ROR1: variants seen among roughly 807,000 people sequenced by gnomAD.
The protein encoded by ROR1 is inactive tyrosine-protein kinase transmembrane receptor ROR1.
Under a neutral mutation model 78.8 loss-of-function variants are expected in ROR1, and 19 were observed. The observed-to-expected ratio is 0.24, with a 90% CI of 0.17 to 0.35. The LOEUF (loss-of-function observed/expected upper bound fraction) is 0.35. Among genes scored for constraint, ROR1 ranks in the 10% least tolerant of loss-of-function variants. ROR1 has a pLI of 1.00. For missense variants in ROR1, 917 were observed against 1,177.8 expected (o/e 0.78, Z 3.24); for synonymous variants, 386 against 433.6 (o/e 0.89, Z 1.36).
chr1:63,846,190 T>A, intron 1 of ROR1, among the ~76,000 whole-genome samples: 1 of 151,302 alleles, frequency 6.6e-6, no homozygotes. Flanking sequence ...TCAGCAGCTG[T>A]GGTTCTTGCT....
Position 64,137,420 on chromosome 1 carries a change from T to G in ROR1, c.534T>G (p.Cys178Trp). The change falls in exon 5 of 9, where the codon TGT becomes TGG. Residue 178 changes from cysteine to tryptophan, a missense_variant. By Grantham distance (215) the Cys-to-Trp change is radical (BLOSUM62 -2). Transcript: ENST00000371079. ...GTCAGCCATACAGAGGGATTGCATGTGCAAGATTTATTGGCAACCGCACCG... is the reference window on the plus strand; with the variant it reads ...GTCAGCCATACAGAGGGATTGCATGGGCAAGATTTATTGGCAACCGCACCG... ...GFCQPYRGIA[C>W]ARFIGNRTVY... is the part of the protein sequence containing the mutation. 1 of 1,614,054 alleles carries G rather than the reference T, an allele frequency of 6.2e-7. No individual in the cohort carries two copies. The highest frequency in any genetic ancestry group is 8.5e-7 in the Non-Finnish European group (1 of 1,179,902).
intron 7 of ROR1, chr1:64,143,451 T>G (rs1649388062): frequency 1.0e-6 from 1 of 965,848 alleles, no homozygotes. Flanking sequence ...CTAGTTCTCA[T>G]AGATATCATA....
intron 2 of ROR1, among the ~76,000 whole-genome samples, chr1:64,027,180 T>C (rs1455938181): frequency 6.6e-6 from 1 of 152,172 alleles, no homozygotes; most frequent in Non-Finnish European, 1.5e-5. Flanking sequence ...AGAGCTCTGA[T>C]AGTGCATTTT....
At chr1:63,829,698 G>A (rs1644974683) in intron 1 of ROR1, among the ~76,000 whole-genome samples, 2 of 152,178 alleles carry the variant, frequency 1.3e-5, no homozygotes, top group Admixed American at 1.3e-4. Context: ...ATAGGGATGT[G>A]GCTCGTGATA....
At chr1:63,799,458 C>T (rs1644782201) in intron 1 of ROR1, among the ~76,000 whole-genome samples, 1 of 152,200 alleles carries the variant, frequency 6.6e-6, no homozygotes, top group Admixed American at 6.5e-5. Flanking sequence ...CACTTGAGTG[C>T]CTAGGAGCAT....
intron 4 of ROR1, among the ~76,000 whole-genome samples, chr1:64,069,516 A>ATTGTG (rs1646984885): frequency 1.3e-5 from 2 of 150,316 alleles, no homozygotes; most frequent in African/African-American, 4.9e-5. Context: ...CTTGGGTTAA[A>ATTGTG]TGTGTGTGTG....
chr1:63,876,984 A>G (rs1427126644), intron 1 of ROR1, among the ~76,000 whole-genome samples: 1 of 152,156 alleles, frequency 6.6e-6, no homozygotes, highest in African/African-American at 2.4e-5. Context: ...TCTACCTGGT[A>G]TGCCATGTGC....
At chr1:64,017,869 A>T (rs1444096993) in intron 2 of ROR1, among the ~76,000 whole-genome samples, 1 of 152,144 alleles carries the variant, frequency 6.6e-6, no homozygotes, top group East Asian at 1.9e-4. Flanking sequence ...TATCTACCTT[A>T]TATCTTGAGT....
At chr1:64,021,518 A>G (rs993048551) in intron 2 of ROR1, among the ~76,000 whole-genome samples, 1 of 152,226 alleles carries the variant, frequency 6.6e-6, no homozygotes, top group Non-Finnish European at 1.5e-5. Context: ...TTAATGTGCC[A>G]TAAAAACTCT....
intron 4 of ROR1, among the ~76,000 whole-genome samples, chr1:64,122,795 A>G (rs1345732142): frequency 6.6e-6 from 1 of 152,084 alleles, no homozygotes; most frequent in Non-Finnish European, 1.5e-5. Context: ...TCCTCTTGCG[A>G]CATCATTTTA....
At chr1:63,952,699 A>G (rs1645950488) in intron 1 of ROR1, among the ~76,000 whole-genome samples, 1 of 152,082 alleles carries the variant, frequency 6.6e-6, no homozygotes, top group South Asian at 2.1e-4. Context: ...TTTGATATTT[A>G]CTAATGTGAA....
intron 4 of ROR1, among the ~76,000 whole-genome samples, chr1:64,055,730 C>T (rs1646868290): frequency 6.6e-6 from 1 of 152,144 alleles, no homozygotes; most frequent in African/African-American, 2.4e-5. Context: ...ATACAGTTAA[C>T]CATAAAATTC....
rs75390249 is a variant in ROR1 at position 63,774,030 on chromosome 1, G to A, written c.-388G>A. On this transcript the variant is annotated 5_prime_UTR_variant, in exon 1 of 9. Transcript: ENST00000371079. This position sits in a 1 kb window ranked among gnomAD's most constrained non-coding sequence, Gnocchi z 5.7. Reference sequence around the variant, plus strand: ...GTGGAAAGTGACAAGTTGAGCGAGAGAGGGAGCGTGGAGAGCTGGAGCAGC... The same window carrying A: ...GTGGAAAGTGACAAGTTGAGCGAGAAAGGGAGCGTGGAGAGCTGGAGCAGC... The A allele has an allele frequency of 7.5e-4, 118 of 157,824 alleles. No individual in the cohort carries two copies. In the East Asian group the frequency reaches 0.02, roughly 27 times the overall value. 9.8% of individuals were successfully genotyped at this position (157,824 alleles called of 1,614,324 possible). A position where few individuals can be genotyped will look rare whatever the true frequency, so the allele number is the denominator to read the frequency against.
chr1:63,876,869 T>A (rs1184736180), intron 1 of ROR1, among the ~76,000 whole-genome samples: 1 of 151,962 alleles, frequency 6.6e-6, no homozygotes, highest in African/African-American at 2.4e-5. Context: ...CCAGTGAGAA[T>A]CTCATGTATT....
chr1:63,815,678 A>G (rs1344992243), intron 1 of ROR1, among the ~76,000 whole-genome samples: 2 of 151,968 alleles, frequency 1.3e-5, no homozygotes, highest in Non-Finnish European at 2.9e-5. Flanking sequence ...TTTCAGGGCT[A>G]TCTCCTGTGG....
At chr1:63,955,798 C>T (rs928871600) in intron 1 of ROR1, among the ~76,000 whole-genome samples, 1 of 152,172 alleles carries the variant, frequency 6.6e-6, no homozygotes, top group African/African-American at 2.4e-5. Context: ...TAGCAGTTTC[C>T]ATTTTTACCG....
intron 1 of ROR1, among the ~76,000 whole-genome samples, chr1:63,801,604 G>A (rs983672930): frequency 6.6e-6 from 1 of 152,072 alleles, no homozygotes; most frequent in African/African-American, 2.4e-5. Flanking sequence ...CGGGTATCAT[G>A]TATTTTTTAA....
At chr1:63,961,645 T>C (rs1268978512) in intron 1 of ROR1, among the ~76,000 whole-genome samples, 1 of 152,170 alleles carries the variant, frequency 6.6e-6, no homozygotes, top group South Asian at 2.1e-4. Flanking sequence ...GTTGATCTCT[T>C]AGAAGCAGAG....
intron 1 of ROR1, among the ~76,000 whole-genome samples, chr1:63,876,683 CGCGTGTGTGT>C (rs1645288356): frequency 1.3e-5 from 1 of 74,946 alleles, no homozygotes; most frequent in South Asian, 4.7e-4. Context: ...TGTGTGTGTG[CGCGTGTGTGT>C]GTGAGAACAT....
Sources: allele counts gnomAD v4.1 joint callset (sites outside exome capture counted in the v4.1 genomes callset), GRCh38; gene constraint gnomAD v4.1.1; non-coding constraint Gnocchi (gnomAD v3.1); transcripts MANE v1.5; gene names NCBI Gene and HGNC (gene_info 2026-07-23, HGNC 2026-07-21).